Variants in CERS6 observed in about 807,000 individuals in gnomAD.
CERS6 encodes ceramide synthase 6, also known as LAG1 homolog, ceramide synthase 6.
In CERS6, 26 loss-of-function variants were observed where a neutral mutation model predicts 56.8. That is an observed-to-expected ratio of 0.46 (90% confidence interval 0.34 to 0.63). The LOEUF (loss-of-function observed/expected upper bound fraction) is 0.63. CERS6 is among the 30% of genes least tolerant of loss of function. The probability of loss-of-function intolerance (pLI) is 0.01; values close to 1 mark genes in which losing one functional copy is unlikely to be tolerated. For missense variants in CERS6, 415 were observed against 467.5 expected (o/e 0.89, Z 1.04); for synonymous variants, 164 against 173.3 (o/e 0.95, Z 0.42).
At chr2:168,673,460 G>A (rs879032920) in intron 4 of CERS6, among the ~76,000 whole-genome samples, 1 of 152,318 alleles carries the variant, frequency 6.6e-6, no homozygotes, top group South Asian at 2.1e-4. Flanking sequence ...TCCATTCGTG[G>A]GGTCGGTCAG....
At chr2:168,550,103 A>G (rs1377656657) in intron 2 of CERS6, among the ~76,000 whole-genome samples, 4 of 152,208 alleles carry the variant, frequency 2.6e-5, no homozygotes, top group Non-Finnish European at 4.4e-5. Context: ...AAAAAGTGCC[A>G]TTAAGCATAC....
intron 1 of CERS6, among the ~76,000 whole-genome samples, chr2:168,457,051 G>A (rs1693681816): frequency 6.6e-6 from 1 of 152,188 alleles, no homozygotes; most frequent in African/African-American, 2.4e-5. Flanking sequence ...GGAACGTTCC[G>A]GACGCGCGGC....
At chr2:168,722,104 T>G (rs1368627586) in intron 8 of CERS6, among the ~76,000 whole-genome samples, 1 of 152,200 alleles carries the variant, frequency 6.6e-6, no homozygotes, top group African/African-American at 2.4e-5. Context: ...CATTTGTAAT[T>G]TGGTTATTTG....
intron 3 of CERS6, among the ~76,000 whole-genome samples, chr2:168,588,038 G>T (rs111974316): frequency 1.4e-4 from 21 of 151,272 alleles, no homozygotes; most frequent in African/African-American, 5.1e-4. Flanking sequence ...TGATCCTCCG[G>T]CCTCAGCTCA....
In CERS6 at chr2:168,759,249, T is replaced by TCATTCATTTGATGGGATGCC. The variant is rs779044173; in HGVS notation, c.846-6325_846-6306dup. ...GAAAAAAGGTCAGACTGATGCCTCT[T>TCATTCATTTGATGGGATGCC]CATTCATTTGATGGGATGCCCATTC... On this transcript the variant is annotated intron_variant, in intron 8 of 9. Coordinates refer to ENST00000305747, the MANE Select transcript of CERS6 (RefSeq NM_203463.3). Among the ~76,000 whole-genome samples the TCATTCATTTGATGGGATGCC allele has an allele frequency of 2.4e-4, 36 of 152,294 alleles. No individual in the cohort carries two copies. The South Asian group carries it at 4.4e-3, about 18-fold the overall frequency.
chr2:168,725,131 G>A (rs980561000), intron 8 of CERS6, among the ~76,000 whole-genome samples: 2 of 152,236 alleles, frequency 1.3e-5, no homozygotes, highest in Non-Finnish European at 2.9e-5. Flanking sequence ...CTCCGCAGCC[G>A]CTGGCCCGGG....
Position 168,730,104 on chromosome 2 carries a change from G to T in CERS6, c.845+12126G>T, listed in dbSNP as rs76245063. 9.2e-3 allele frequency among the ~76,000 whole-genome samples: 1,404 copies of T among 152,324 alleles called. 45 individuals are homozygous for T. The highest frequency in any genetic ancestry group is 0.041 in the East Asian group (213 of 5,182). On this transcript the variant is annotated intron_variant, in intron 8 of 9. Transcript: ENST00000305747. ...TTCCTTAAGATACGGAATCGGCCCA[G>T]TCGAAGAAGACAGACAAGAGTGACT...
At chr2:168,697,395 T>G (rs1172569075) in intron 6 of CERS6, among the ~76,000 whole-genome samples, 3 of 152,200 alleles carry the variant, frequency 2.0e-5, no homozygotes, top group Non-Finnish European at 4.4e-5. Flanking sequence ...TGAGGGAGCC[T>G]TCTTTGGTCA....
chr2:168,542,989 A>G (rs1574054464), intron 1 of CERS6, among the ~76,000 whole-genome samples: 1 of 152,176 alleles, frequency 6.6e-6, no homozygotes, highest in Non-Finnish European at 1.5e-5. Flanking sequence ...GAGCCACTGT[A>G]TCTGGCCCAT....
At chr2:168,576,508 A>G (rs1450181957) in intron 3 of CERS6, among the ~76,000 whole-genome samples, 1 of 152,120 alleles carries the variant, frequency 6.6e-6, no homozygotes, top group African/African-American at 2.4e-5. Flanking sequence ...AATTTCTTTT[A>G]TATTTCTATT....
At chr2:168,574,584 T>A (rs541510444) in intron 3 of CERS6, among the ~76,000 whole-genome samples, 1 of 152,260 alleles carries the variant, frequency 6.6e-6, no homozygotes, top group African/African-American at 2.4e-5. Flanking sequence ...CTTAAAAACC[T>A]GATAAAGTTG....
chr2:168,528,542 C>A (rs1695110060), intron 1 of CERS6, among the ~76,000 whole-genome samples: 1 of 152,114 alleles, frequency 6.6e-6, no homozygotes, highest in African/African-American at 2.4e-5. Context: ...AGATCCTGAC[C>A]AATACTCTTT....
At position 168,547,600 on chromosome 2, in the gene CERS6, G is replaced by A. The variant is rs368387733; in HGVS notation, c.175G>A (p.Val59Ile). 4 of 1,611,274 alleles carry A rather than the reference G, an allele frequency of 2.5e-6. No homozygotes were observed. Among genetic ancestry groups the A allele is most frequent in the East Asian group, 2.2e-5 (1 of 44,854 alleles). Residue 59 changes from valine (V) to isoleucine (I), a missense_variant, in exon 2 of 10, where the codon GTA (valine) becomes ATA (isoleucine). Val to Ile is a conservative substitution (Grantham distance 29). Transcript: ENST00000305747. ...FMVRLIFERF[V>I]AKPCAIALNI... ...TTTTCTTTTTGTAATTTTTAGATTT[G>A]TAGCCAAACCGTGCGCCATAGCCCT...
intron 9 of CERS6, among the ~76,000 whole-genome samples, chr2:168,768,941 C>T (rs956061887): frequency 6.7e-6 from 1 of 149,026 alleles, no homozygotes; most frequent in Non-Finnish European, 1.5e-5. Flanking sequence ...AAAAAAAATG[C>T]TTCCTGCTGT....
At chr2:168,749,286 C>T (rs1684192671) in intron 8 of CERS6, among the ~76,000 whole-genome samples, 1 of 152,278 alleles carries the variant, frequency 6.6e-6, no homozygotes, top group South Asian at 2.1e-4. Flanking sequence ...TATCTGAATC[C>T]CCACACTCAT....
intron 8 of CERS6, among the ~76,000 whole-genome samples, chr2:168,739,052 ATTTTTTTTTT>A (rs59967315): frequency 2.7e-3 from 239 of 87,664 alleles, no homozygotes; most frequent in East Asian, 0.011. Flanking sequence ...CACCCGGCTA[ATTTTTTTTTT>A]TTTTTTTTTT....
intron 8 of CERS6, among the ~76,000 whole-genome samples, chr2:168,756,648 C>G (rs1484872662): frequency 1.3e-5 from 2 of 152,154 alleles, no homozygotes; most frequent in Non-Finnish European, 2.9e-5. Context: ...GAAAGATCTG[C>G]AGAAATGCTG....
At chr2:168,464,784 CAAAA>C (rs955932156) in intron 1 of CERS6, among the ~76,000 whole-genome samples, 1 of 150,426 alleles carries the variant, frequency 6.6e-6, no homozygotes, top group African/African-American at 2.4e-5. Flanking sequence ...ACCAAACAAA[CAAAA>C]AAAGACTTAT....
intron 1 of CERS6, among the ~76,000 whole-genome samples, chr2:168,466,622 C>G (rs532913941): frequency 6.6e-6 from 1 of 152,170 alleles, no homozygotes; most frequent in Non-Finnish European, 1.5e-5. Flanking sequence ...GTACAAAATA[C>G]TGTTTTCCGT....
Sources: gnomAD v4.1 joint callset for allele counts (sites outside exome capture counted in the v4.1 genomes callset) on GRCh38, gnomAD v4.1.1 for gene constraint, MANE v1.5 for transcripts, NCBI Gene and HGNC (gene_info 2026-07-23, HGNC 2026-07-21) for gene names.